The following F8 variants were observed in gnomAD, a reference collection of about 807,000 sequenced individuals.
F8 encodes the protein antihemophilic factor.
A neutral mutation model predicts 140.6 loss-of-function variants in F8; 12 were observed. The observed-to-expected ratio is 0.09, with a 90% CI of 0.05 to 0.14. The LOEUF (loss-of-function observed/expected upper bound fraction) is 0.14. F8 is among the 10% of genes least tolerant of loss of function. The pLI, the probability that F8 is intolerant of heterozygous loss-of-function variation, is 1.00. For missense variants in F8, 1,354 were observed against 1,720.7 expected (o/e 0.79, Z 3.77); for synonymous variants, 585 against 614.6 (o/e 0.95, Z 0.71).
chrX:154,929,081 G>A lies in F8; in HGVS notation c.4709C>T (p.Thr1570Ile). Reference sequence around the variant, plus strand: ...GGAGGGAGTCTTTGCAGAGCTTTCTGTTGCTACTCTCAGAAAGGGAACTTT... The same window carrying A: ...GGAGGGAGTCTTTGCAGAGCTTTCTATTGCTACTCTCAGAAAGGGAACTTT... ...PGKVPFLRVA[T>I]ESSAKTPSKL... Residue 1570 changes from threonine to isoleucine, a missense_variant, in exon 14 of 26, where the codon ACA becomes ATA. Thr to Ile is a moderately conservative substitution (Grantham distance 89, BLOSUM62 -1). This residue lies in a region of F8 where 658 missense variants were observed against 666.5 expected (regional missense o/e 0.99). Coordinates refer to ENST00000360256, the MANE Select transcript of F8 (RefSeq NM_000132.4). 1 of 1,211,494 alleles carries A rather than the reference G, an allele frequency of 8.3e-7. No individual in the cohort carries two copies. Among genetic ancestry groups the A allele is most frequent in the East Asian group, 3.0e-5 (1 of 33,869 alleles).
intron 13 of F8, among the ~76,000 whole-genome samples, chrX:154,943,498 A>T (rs184202188): frequency 1.8e-5 from 2 of 111,731 alleles, no homozygotes; most frequent in African/African-American, 6.5e-5. Flanking sequence ...ACTACAAACC[A>T]CTGCTCAAGG....
chrX:154,984,637 G>T, intron 6 of F8, 50 bp downstream of exon 6: 2 of 931,518 alleles, frequency 2.1e-6, no homozygotes, highest in Non-Finnish European at 3.1e-6. Context: ...ACAGAACTCT[G>T]GTGCTGAATT....
intron 6 of F8, among the ~76,000 whole-genome samples, chrX:154,976,138 A>C (rs1557282959): frequency 9.0e-6 from 1 of 110,520 alleles, no homozygotes; most frequent in Admixed American, 9.5e-5. Flanking sequence ...CAGGTGATCC[A>C]CCCGCCTCAG....
At chrX:154,946,179 AC>A (rs2073303187) in intron 13 of F8, among the ~76,000 whole-genome samples, 1 of 112,106 alleles carries the variant, frequency 8.9e-6, no homozygotes, top group Non-Finnish European at 1.9e-5. Context: ...TTAATGTAAT[AC>A]CTATCCAAAT....
At chrX:154,865,704 C>A (rs1185249712) in intron 22 of F8, among the ~76,000 whole-genome samples, 6 of 104,174 alleles carry the variant, frequency 5.8e-5, no homozygotes, top group Non-Finnish European at 9.8e-5. Flanking sequence ...ACCGCCCCCC[C>A]ACACAGTAGA....
At position 154,896,170 on chromosome X, in the gene F8, G is replaced by A. The variant is rs1557275600; in HGVS notation, c.6336C>T (p.Phe2112=). 2.3e-5 allele frequency: 28 copies of A among 1,210,689 alleles called. No homozygotes were observed. Among genetic ancestry groups the A allele is most frequent in the Non-Finnish European group, 3.1e-5 (28 of 894,538 alleles). ...GIKTQGARQK[F]SSLYISQFII... is the part of the protein sequence containing the mutation. Reference sequence around the variant, plus strand: ...TAAACTGAGAGATGTAGAGGCTGGAGAACTTCTGACGGGCACCCTGGGTCT... The same window carrying A: ...TAAACTGAGAGATGTAGAGGCTGGAAAACTTCTGACGGGCACCCTGGGTCT... Residue 2112 remains phenylalanine (F), a synonymous_variant, in exon 22 of 26, where the codon TTC becomes TTT. Coordinates refer to ENST00000360256, the MANE Select transcript of F8 (RefSeq NM_000132.4).
chrX:154,929,929 G>T lies in F8; in HGVS notation c.3861C>A (p.Phe1287Leu), dbSNP rs2073184203. 1 of 1,210,956 alleles carries T rather than the reference G, an allele frequency of 8.3e-7. No homozygotes were observed. Among genetic ancestry groups the T allele is most frequent in the East Asian group, 3.0e-5 (1 of 33,836 alleles). Residue 1287 changes from phenylalanine (F) to leucine (L), a missense_variant, in exon 14 of 26, where the codon TTC becomes TTA. Phe to Leu is a conservative substitution (Grantham distance 22, BLOSUM62 0). This residue lies in a region of F8 where 658 missense variants were observed against 666.5 expected (regional missense o/e 0.99). Transcript: ENST00000360256. ...TNRTKKHTAH[F>L]SKKGEEENLE... ...AGTTTTCTTCCTCCCCTTTTTTTGA[G>T]AAATGAGCTGTGTGTTTCTTTGTTC...
intron 6 of F8, among the ~76,000 whole-genome samples, chrX:154,982,055 A>G (rs1332338431): frequency 9.1e-6 from 1 of 109,984 alleles, no homozygotes; most frequent in African/African-American, 3.3e-5. Flanking sequence ...GTGGTGGCAC[A>G]TGCCTGTAAT....
chrX:154,926,799 A>T (rs781903415), intron 14 of F8, among the ~76,000 whole-genome samples: 1 of 112,036 alleles, frequency 8.9e-6, no homozygotes, highest in African/African-American at 3.2e-5. Flanking sequence ...TTTTGACTTC[A>T]GGAGAGAGAT....
chrX:154,901,788 G>A (rs186742269), intron 19 of F8, among the ~76,000 whole-genome samples: 11 of 111,164 alleles, frequency 9.9e-5, no homozygotes, highest in Admixed American at 2.9e-4. Context: ...GGAGATCTTC[G>A]AGCTTTACCA....
At chrX:154,943,606 T>C (rs1282550369) in intron 13 of F8, among the ~76,000 whole-genome samples, 1 of 111,675 alleles carries the variant, frequency 9.0e-6, no homozygotes, top group East Asian at 2.8e-4. Flanking sequence ...ATGTAATTTA[T>C]AGATTCAATG....
chrX:154,933,731 G>C (rs782065606), intron 13 of F8, among the ~76,000 whole-genome samples: 1 of 112,279 alleles, frequency 8.9e-6, no homozygotes, highest in African/African-American at 3.2e-5. Flanking sequence ...GCAGATTCTA[G>C]AGGAAAAGTA....
Position 154,992,938 on chromosome X carries a change from T to C in F8, c.599A>G (p.Glu200Gly), listed in dbSNP as rs782158761. 1 of 1,207,554 alleles carries C rather than the reference T, an allele frequency of 8.3e-7. No individual in the cohort carries two copies. Among genetic ancestry groups the C allele is most frequent in the South Asian group, 1.8e-5 (1 of 56,879 alleles). The part of the protein sequence containing the change: ...GLIGALLVCR[E>G]GSLAKEKTQT... ...ATCCTACGCTTTCATACACTTACCTTCTCTACATACTAGTAGGGCTCCAAT... is the reference window on the plus strand; with the variant it reads ...ATCCTACGCTTTCATACACTTACCTCCTCTACATACTAGTAGGGCTCCAAT... The change falls in exon 4 of 26, where the codon GAA becomes GGA. Residue 200 changes from glutamate (E) to glycine (G), a missense_variant and splice_region_variant. Coordinates refer to ENST00000360256, the MANE Select transcript of F8 (RefSeq NM_000132.4).
At chrX:154,968,946 CA>C (rs781844406) in intron 7 of F8, among the ~76,000 whole-genome samples, 1,844 of 97,454 alleles carry the variant, frequency 0.019, 23 homozygotes, top group African/African-American at 0.056. Context: ...TAGATTTCTC[CA>C]AAAAAAAAAA....
chrX:154,962,677 G>A (rs986282466), intron 9 of F8, among the ~76,000 whole-genome samples: 1 of 111,353 alleles, frequency 9.0e-6, no homozygotes, highest in Non-Finnish European at 1.9e-5. Flanking sequence ...ACCAGCCTGG[G>A]TAACACAGTG....
At position 154,835,982 on chromosome X, in the gene F8, G is replaced by T. The variant is rs182784273; in HGVS notation, c.*1615C>A. ...CACCTTTGGGGTTAACTCCTCTACC[G>T]GGCTATAAAACAAAACAACTTATTC... On this transcript the variant is annotated 3_prime_UTR_variant, in exon 26 of 26. Transcript: ENST00000360256. 3.6e-5 allele frequency: 4 copies of T among 111,860 alleles called. No homozygotes were observed. The highest frequency in any genetic ancestry group is 5.6e-4 in the East Asian group (2 of 3,568). 9.2% of individuals were successfully genotyped at this position (111,860 alleles called of 1,213,427 possible). A position where few individuals can be genotyped will look rare whatever the true frequency, so the allele number is the denominator to read the frequency against.
chrX:154,904,967 A>C lies in F8; in HGVS notation c.5430T>G (p.Ser1810=), dbSNP rs142177821. 9.4e-5 allele frequency: 113 copies of C among 1,208,267 alleles called. No homozygotes were observed. In the African/African-American group the frequency reaches 1.8e-3, roughly 19 times the overall value. Residue 1810 remains serine (S), a synonymous_variant, in exon 16 of 26, where the codon TCT becomes TCG. Transcript: ENST00000360256. ...CTCCTTGCCTCTGATCTTCCTCATA[A>C]GAAATAAGGCTAGAATAGAAGGAAT... ...RPYSFYSSLI[S]YEEDQRQGAE...
intron 19 of F8, 28 bp from the exon 20 acceptor site, chrX:154,901,470 A>G: frequency 1.0e-6 from 1 of 994,631 alleles, no homozygotes; most frequent in East Asian, 3.0e-5. Context: ...GAACACAGTA[A>G]CTAGAAGTGC....
At chrX:154,945,968 T>A (rs1160154085) in intron 13 of F8, among the ~76,000 whole-genome samples, 3 of 111,532 alleles carry the variant, frequency 2.7e-5, no homozygotes, top group African/African-American at 9.8e-5. Context: ...TAAAAAGAAA[T>A]TTTTTAAAAA....
Sources: gnomAD v4.1 joint callset for allele counts (sites outside exome capture counted in the v4.1 genomes callset) on GRCh38, gnomAD v4.1.1 for gene constraint, gnomAD v4.1.1 regional missense constraint, MANE v1.5 for transcripts, NCBI Gene and HGNC (gene_info 2026-07-23, HGNC 2026-07-21) for gene names.